Variants in ARID1A observed in about 807,000 individuals in gnomAD.
ARID1A encodes AT-rich interactive domain-containing protein 1A.
A neutral mutation model predicts 212.6 loss-of-function variants in ARID1A; 20 were observed. That is an observed-to-expected ratio of 0.09 (90% CI 0.07 to 0.14). The LOEUF (loss-of-function observed/expected upper bound fraction) is 0.14. Ranked by LOEUF, ARID1A falls within the 10% of genes least tolerant of loss-of-function variation. ARID1A has a pLI of 1.00. For missense variants in ARID1A, 2,587 were observed against 3,059.0 expected (o/e 0.85, Z 3.64); for synonymous variants, 1,376 against 1,222.1 (o/e 1.13, Z -2.63).
intron 1 of ARID1A, among the ~76,000 whole-genome samples, chr1:26,706,484 C>T (rs976322119): frequency 6.6e-6 from 1 of 152,168 alleles, no homozygotes; most frequent in Non-Finnish European, 1.5e-5. Flanking sequence ...CTCATGTTTT[C>T]TTTGAGGTCA....
Position 26,763,245 on chromosome 1 carries a change from G to C in ARID1A, c.2692G>C (p.Ala898Pro), listed in dbSNP as rs2081009141. Reference sequence around the variant, plus strand: ...CATGAACCGGAAAACCCAAGAAACTGCTGTCGCCATGCATGTTGCTGCCAA... The same window carrying C: ...CATGAACCGGAAAACCCAAGAAACTCCTGTCGCCATGCATGTTGCTGCCAA... ...GGMNRKTQET[A>P]VAMHVAANSI... The change falls in exon 8 of 20, where the codon GCT becomes CCT. Residue 898 changes from alanine (A) to proline (P), a missense_variant. This residue lies in a region of ARID1A where 674 missense variants were observed against 813.4 expected (regional missense o/e 0.83). Transcript: ENST00000324856. 4 of 1,612,620 alleles carry C rather than the reference G, an allele frequency of 2.5e-6. No homozygotes were observed. The highest frequency in any genetic ancestry group is 3.4e-6 in the Non-Finnish European group (4 of 1,178,844).
rs1015322780 is a variant in ARID1A, at chr1:26,696,649, T to TGGC, written c.258_260dup (p.Gly87dup). ...AGGACGGGGCCGAGAGCAATGGGGG[T>TGGC]GGCGGCGGCGGCGGAGCCGGCAGCG... On this transcript the variant is annotated inframe_insertion, in exon 1 of 20. Coordinates refer to ENST00000324856, the MANE Select transcript of ARID1A (RefSeq NM_006015.6). 79 of 1,303,404 alleles carry TGGC rather than the reference T, an allele frequency of 6.1e-5. No homozygotes were observed. The highest frequency in any genetic ancestry group is 6.7e-5 in the Non-Finnish European group (69 of 1,031,376). 80.7% of individuals were successfully genotyped at this position (1,303,404 alleles called of 1,614,324 possible).
At chr1:26,776,735 G>A (rs951637276) in intron 19 of ARID1A, among the ~76,000 whole-genome samples, 1 of 152,104 alleles carries the variant, frequency 6.6e-6, no homozygotes, top group Admixed American at 6.5e-5. Context: ...CTTATTAATA[G>A]TTACCATTTA....
chr1:26,732,412 A>G (rs2080687754), intron 3 of ARID1A, among the ~76,000 whole-genome samples: 1 of 152,214 alleles, frequency 6.6e-6, no homozygotes, highest in South Asian at 2.1e-4. Context: ...ATTTAACTTG[A>G]AGTTGGCCAG....
rs753503744 is a variant in ARID1A, at chr1:26,780,605, G to A, written c.6707G>A (p.Arg2236His). 14 of 1,613,876 alleles carry A rather than the reference G, an allele frequency of 8.7e-6. No individual in the cohort carries two copies. Among genetic ancestry groups the A allele is most frequent in the Admixed American group, 1.7e-5 (1 of 60,024 alleles). Residue 2236 changes from arginine to histidine, a missense_variant, in exon 20 of 20, where the codon CGC becomes CAC. Arg to His is a conservative substitution (Grantham distance 29, BLOSUM62 0). Coordinates refer to ENST00000324856, the MANE Select transcript of ARID1A (RefSeq NM_006015.6). The surrounding 1 kb of genome is among the most constrained non-coding windows in gnomAD (Gnocchi z 7.2). ...GTGGACATGATGCGGCGGGCTGCCCGCGCGCTGCTTGCCTTGGCCAAGGTG... is the reference window on the plus strand; with the variant it reads ...GTGGACATGATGCGGCGGGCTGCCCACGCGCTGCTTGCCTTGGCCAAGGTG... The part of the protein sequence containing the change: ...TSVDMMRRAA[R>H]ALLALAKVDE...
rs920852661 is a variant in ARID1A, at chr1:26,772,757, T to C, written c.3540-55T>C. 5.0e-6 allele frequency: 8 copies of C among 1,606,674 alleles called. No individual in the cohort carries two copies. In the South Asian group the frequency reaches 8.8e-5, roughly 18 times the overall value. On this transcript the variant is annotated intron_variant, in intron 13 of 19. Transcript: ENST00000324856. ...GCCAGTGACTCCTGCGTGTCCTTTG[T>C]TATATTGGAGGAATTGGTTTATTTG...
At chr1:26,721,280 C>T (rs568948786) in intron 1 of ARID1A, among the ~76,000 whole-genome samples, 5 of 152,186 alleles carry the variant, frequency 3.3e-5, no homozygotes, top group East Asian at 3.9e-4. Context: ...GGTGCGATCT[C>T]GGCTCACTGT....
In ARID1A at chr1:26,774,375, G is replaced by A. The variant is rs1175588677; in HGVS notation, c.4148G>A (p.Arg1383Gln). 9 of 1,566,582 alleles carry A rather than the reference G, an allele frequency of 5.7e-6. No homozygotes were observed. Among genetic ancestry groups the A allele is most frequent in the Middle Eastern group, 1.7e-4 (1 of 5,832 alleles). Residue 1383 changes from arginine to glutamine, a missense_variant, in exon 18 of 20, where the codon CGG (arginine) becomes CAG (glutamine). Transcript: ENST00000324856. This position sits in a 1 kb window ranked among gnomAD's most constrained non-coding sequence, Gnocchi z 5.6. ...GGCACATATGGCCCTCCTGCCAAGC[G>A]GCACGAAGGGGAGATGTACAGCGTG... is the stretch of plus-strand genomic sequence containing the variant. ...MDGTYGPPAK[R>Q]HEGEMYSVPY...
intron 1 of ARID1A, among the ~76,000 whole-genome samples, chr1:26,710,957 A>T (rs1477583535): frequency 6.6e-6 from 1 of 152,164 alleles, no homozygotes; most frequent in African/African-American, 2.4e-5. Flanking sequence ...AACATTTACT[A>T]CTTGAAGTCC....
intron 4 of ARID1A, among the ~76,000 whole-genome samples, chr1:26,746,267 A>G (rs1442991348): frequency 6.6e-6 from 1 of 152,216 alleles, no homozygotes; most frequent in Non-Finnish European, 1.5e-5. Context: ...AAAAACTAGA[A>G]TGTCCTGATA....
intron 8 of ARID1A, 121 bp downstream of exon 8, chr1:26,763,406 G>A: frequency 8.6e-7 from 1 of 1,167,872 alleles, no homozygotes; most frequent in Non-Finnish European, 1.2e-6. Context: ...TGTATGAAGT[G>A]TTAATTCTTA....
rs772057809 is a variant in ARID1A, at chr1:26,779,511, C to T, written c.5613C>T (p.His1871=). 55 of 1,613,984 alleles carry T rather than the reference C, an allele frequency of 3.4e-5. No homozygotes were observed. Among genetic ancestry groups the T allele is most frequent in the South Asian group, 2.5e-4 (23 of 91,084 alleles). The part of the protein sequence containing the change: ...SKTELLPSRP[H]APCPPAPRKH... ...CAGAGCTGCTGCCTTCCCGGCCTCA[C>T]GCACCCTGCCCACCAGCCCCTCGGA... The change falls in exon 20 of 20, where the codon CAC becomes CAT. Residue 1871 remains histidine (H), a synonymous_variant. Transcript: ENST00000324856.
At chr1:26,714,885 T>A (rs2080487337) in intron 1 of ARID1A, among the ~76,000 whole-genome samples, 1 of 152,210 alleles carries the variant, frequency 6.6e-6, no homozygotes, top group Non-Finnish European at 1.5e-5. Flanking sequence ...TTGCTGCTGC[T>A]TCTTGGTGTT....
intron 4 of ARID1A, among the ~76,000 whole-genome samples, chr1:26,755,830 G>C (rs765438574): frequency 6.6e-6 from 1 of 151,224 alleles, no homozygotes. Context: ...TGCAACCTCC[G>C]CCTCCCGGGT....
At chr1:26,730,003 T>G in intron 2 of ARID1A, 140 bp downstream of exon 2, 1 of 1,092,654 alleles carries the variant, frequency 9.2e-7, no homozygotes, top group Non-Finnish European at 1.3e-6. Flanking sequence ...TACAGAGTGC[T>G]ACTAACAAAG....
rs912589640 is a variant in ARID1A at position 26,771,879 on chromosome 1, A to G, written c.3406+553A>G. 4 of 167,094 alleles carry G rather than the reference A, an allele frequency of 2.4e-5. No individual in the cohort carries two copies. Among genetic ancestry groups the G allele is most frequent in the African/African-American group, 9.6e-5 (4 of 41,574 alleles). 10.4% of individuals were successfully genotyped at this position (167,094 alleles called of 1,614,324 possible). On this transcript the variant is annotated intron_variant, in intron 12 of 19. Transcript: ENST00000324856. The surrounding 1 kb of genome is among the most constrained non-coding windows in gnomAD (Gnocchi z 5.4). ...GTGCCTGGAAGGTGGGTGTAAACAC[A>G]TGTGCCCTGGTGTTGACCTCTGAGG...
chr1:26,760,810 T>C (rs1027599975), intron 4 of ARID1A, 46 bp from the exon 5 acceptor site: 3 of 1,557,850 alleles, frequency 1.9e-6, no homozygotes, highest in Non-Finnish European at 2.6e-6. Flanking sequence ...AAGTAGAATC[T>C]TTCTGCCTAA....
chr1:26,720,892 T>C (rs2124775158), intron 1 of ARID1A, among the ~76,000 whole-genome samples: 1 of 151,442 alleles, frequency 6.6e-6, no homozygotes, highest in East Asian at 2.0e-4. Context: ...AAAAAAAGAT[T>C]CCTGGCCCGG....
chr1:26,721,193 G>T (rs1464838059), intron 1 of ARID1A, among the ~76,000 whole-genome samples: 2 of 151,942 alleles, frequency 1.3e-5, no homozygotes, highest in Non-Finnish European at 2.9e-5. Flanking sequence ...CTATTGTTTT[G>T]GTCACCCTGG....
Sources: allele counts gnomAD v4.1 joint callset (sites outside exome capture counted in the v4.1 genomes callset), GRCh38; gene constraint gnomAD v4.1.1; regional missense constraint gnomAD v4.1.1; non-coding constraint Gnocchi (gnomAD v3.1); transcripts MANE v1.5; gene names NCBI Gene and HGNC (gene_info 2026-07-23, HGNC 2026-07-21).